ADORA1: variants seen among roughly 807,000 people sequenced by gnomAD.
The protein encoded by ADORA1 is adenosine receptor A1.
A neutral mutation model predicts 19.9 loss-of-function variants in ADORA1; 6 were observed. The observed-to-expected ratio is 0.30, with a 90% CI of 0.17 to 0.59. The LOEUF (loss-of-function observed/expected upper bound fraction) is 0.59. ADORA1 is among the 20% of genes least tolerant of loss of function. The probability of loss-of-function intolerance (pLI) is 0.87; values close to 1 mark genes in which losing one functional copy is unlikely to be tolerated. For synonymous variants in ADORA1, 194 were observed against 188.4 expected, an observed-to-expected ratio of 1.03 and a Z score of -0.24; for missense variants, 302 against 439.2, an observed-to-expected ratio of 0.69 and a Z score of 2.79.
intron 3 of ADORA1, among the ~76,000 whole-genome samples, chr1:203,149,298 C>T (rs1446435254): frequency 6.6e-6 from 1 of 152,224 alleles, no homozygotes; most frequent in Non-Finnish European, 1.5e-5. Flanking sequence ...GAGTTTCCCC[C>T]ATCCAGGGTT....
At chr1:203,146,662 A>G (rs1407524605) in intron 3 of ADORA1, among the ~76,000 whole-genome samples, 1 of 151,984 alleles carries the variant, frequency 6.6e-6, no homozygotes, top group Admixed American at 6.5e-5. Flanking sequence ...AGAGAATACA[A>G]GATCTTGCAG....
At chr1:203,150,855 G>A (rs1322221059) in intron 3 of ADORA1, 2 of 1,260,660 alleles carry the variant, frequency 1.6e-6, no homozygotes, top group Admixed American at 2.4e-5. Context: ...AGGGGGCTAG[G>A]TGCTGTGAGC....
chr1:203,145,794 G>A lies in ADORA1; in HGVS notation c.341+16612G>A, dbSNP rs570578809. Among the ~76,000 whole-genome samples, 308 of 152,350 alleles carry A rather than the reference G, an allele frequency of 2.0e-3. 1 individual carries two copies. The highest frequency in any genetic ancestry group is 6.8e-3 in the Middle Eastern group (2 of 294). On this transcript the variant is annotated intron_variant, in intron 3 of 3. Coordinates refer to ENST00000337894, the MANE Select transcript of ADORA1 (RefSeq NM_000674.3). ...TTTCCTGCTGTTTGGTGGGAGGGAG[G>A]GGGATGGATGGATAGTGGCGGGTGT...
At chr1:203,149,646 A>G (rs1217238444) in intron 3 of ADORA1, among the ~76,000 whole-genome samples, 1 of 152,130 alleles carries the variant, frequency 6.6e-6, no homozygotes. Context: ...GGGACCTTCG[A>G]GTGGAGACCC....
In ADORA1 at chr1:203,166,890, G is replaced by T. The variant is rs1325010616; in HGVS notation, c.*990G>T. ...CTGGGAACGGGGTGGACGAGGGAGT[G>T]TCTGTAAGGACTCAGTGTTGACTGT... On this transcript the variant is annotated 3_prime_UTR_variant, in exon 4 of 4. Transcript: ENST00000337894. 1 of 152,712 alleles carries T rather than the reference G, an allele frequency of 6.5e-6. No homozygotes were observed. The highest frequency in any genetic ancestry group is 1.5e-5 in the Non-Finnish European group (1 of 68,442). The allele number at this position is 152,712 out of a possible 1,614,324, so 9.5% of individuals were successfully genotyped here.
intron 3 of ADORA1, among the ~76,000 whole-genome samples, chr1:203,142,334 C>T (rs1035645107): frequency 1.3e-5 from 2 of 152,192 alleles, no homozygotes; most frequent in African/African-American, 4.8e-5. Context: ...CTCTCCTGCC[C>T]ATCGTAACCA....
In ADORA1 at chr1:203,165,009, T is replaced by A; in HGVS notation, c.342-252T>A. 6.5e-7 allele frequency: 1 copy of A among 1,542,622 alleles called. No homozygotes were observed. Among genetic ancestry groups the A allele is most frequent in the Non-Finnish European group, 8.8e-7 (1 of 1,142,296 alleles). On this transcript the variant is annotated intron_variant, in intron 3 of 3. Transcript: ENST00000337894. The surrounding 1 kb of genome is among the most constrained non-coding windows in gnomAD (Gnocchi z 5.9). ...ATTCATAAAGGAGCTCCTCTGTGAT[T>A]TTCTATTATTATTTTTGTCATTAAT...
At chr1:203,151,091 C>G (rs1369084232) in intron 3 of ADORA1, among the ~76,000 whole-genome samples, 2 of 152,188 alleles carry the variant, frequency 1.3e-5, no homozygotes, top group African/African-American at 4.8e-5. Flanking sequence ...TTGGTGGAAA[C>G]AGGCCTTCAG....
At chr1:203,136,395 T>C (rs3820150) in intron 3 of ADORA1, among the ~76,000 whole-genome samples, 31,504 of 152,116 alleles carry the variant, frequency 0.21, 3,544 homozygotes, top group East Asian at 0.38. Context: ...GCTCCTTACC[T>C]TGGAATTTTA....
intron 3 of ADORA1, among the ~76,000 whole-genome samples, chr1:203,145,461 C>T (rs1039601787): frequency 1.3e-5 from 2 of 152,206 alleles, no homozygotes; most frequent in African/African-American, 4.8e-5. Context: ...GAGGCAGGTC[C>T]GGCCGCCTGT....
intron 3 of ADORA1, among the ~76,000 whole-genome samples, chr1:203,132,079 C>T (rs1654359199): frequency 6.6e-6 from 1 of 152,228 alleles, no homozygotes; most frequent in African/African-American, 2.4e-5. Context: ...GAGATTCACA[C>T]CATATAATAT....
chr1:203,148,352 A>T (rs1333789404), intron 3 of ADORA1, among the ~76,000 whole-genome samples: 1 of 152,214 alleles, frequency 6.6e-6, no homozygotes, highest in East Asian at 1.9e-4. Flanking sequence ...TCCTCCTAGG[A>T]TGAAGAGCAG....
chr1:203,135,168 T>G (rs972381963), intron 3 of ADORA1, among the ~76,000 whole-genome samples: 1 of 152,186 alleles, frequency 6.6e-6, no homozygotes, highest in Non-Finnish European at 1.5e-5. Context: ...ACACATCTGC[T>G]TACATACCCC....
rs1382424382 is a variant in ADORA1 at position 203,128,324 on chromosome 1, C to G, written c.-166C>G. 1 of 1,287,502 alleles carries G rather than the reference C, an allele frequency of 7.8e-7. No individual in the cohort carries two copies. Among genetic ancestry groups the G allele is most frequent in the Non-Finnish European group, 1.0e-6 (1 of 987,400 alleles). 79.8% of individuals were successfully genotyped at this position (1,287,502 alleles called of 1,614,324 possible). On this transcript the variant is annotated 5_prime_UTR_variant, in exon 2 of 4. Coordinates refer to ENST00000337894, the MANE Select transcript of ADORA1 (RefSeq NM_000674.3). The surrounding 1 kb of genome is among the most constrained non-coding windows in gnomAD (Gnocchi z 5.9). ...CGGGAGCCGGAGGACTATGAGCTGC[C>G]GCGCGTTGTCCAGAGCCCAGCCCAG...
intron 3 of ADORA1, among the ~76,000 whole-genome samples, chr1:203,132,778 C>A (rs187931923): frequency 3.3e-5 from 5 of 152,098 alleles, no homozygotes; most frequent in Admixed American, 1.3e-4. Flanking sequence ...ACTTGGGAGG[C>A]GTATATTGCA....
At chr1:203,138,560 G>A (rs1654582135) in intron 3 of ADORA1, among the ~76,000 whole-genome samples, 1 of 152,164 alleles carries the variant, frequency 6.6e-6, no homozygotes. Flanking sequence ...CAAGGAGGGT[G>A]GACAAATGGG....
intron 3 of ADORA1, among the ~76,000 whole-genome samples, chr1:203,145,956 G>A (rs1654845494): frequency 6.6e-6 from 1 of 152,172 alleles, no homozygotes; most frequent in Admixed American, 6.5e-5. Context: ...ATAAAGCCCT[G>A]CACTCAGGTC....
At chr1:203,134,746 C>T (rs1654452293) in intron 3 of ADORA1, among the ~76,000 whole-genome samples, 1 of 152,164 alleles carries the variant, frequency 6.6e-6, no homozygotes, top group Non-Finnish European at 1.5e-5. Context: ...AATTCTACCA[C>T]CTACAGAGAA....
Position 203,128,568 on chromosome 1 carries a change from A to G in ADORA1, c.-58+136A>G. ...TGATAAAAAAGCCAGTGGAGGAGTG[A>G]GCGCTGCTATTTTAAGTTGCTGAAT... On this transcript the variant is annotated intron_variant, in intron 2 of 3. Coordinates refer to ENST00000337894, the MANE Select transcript of ADORA1 (RefSeq NM_000674.3). This position sits in a 1 kb window ranked among gnomAD's most constrained non-coding sequence, Gnocchi z 5.9. 1.2e-6 allele frequency: 1 copy of G among 868,600 alleles called. No homozygotes were observed. Among genetic ancestry groups the G allele is most frequent in the Non-Finnish European group, 1.7e-6 (1 of 597,442 alleles). The allele number at this position is 868,600 out of a possible 1,614,324, so 53.8% of individuals were successfully genotyped here. A position where few individuals can be genotyped will look rare whatever the true frequency, so the allele number is the denominator to read the frequency against.
Sources: allele counts gnomAD v4.1 joint callset (sites outside exome capture counted in the v4.1 genomes callset), GRCh38; gene constraint gnomAD v4.1.1; non-coding constraint Gnocchi (gnomAD v3.1); transcripts MANE v1.5; gene names NCBI Gene and HGNC (gene_info 2026-07-23, HGNC 2026-07-21).